The following LACTB variants were observed in gnomAD, a reference collection of about 807,000 sequenced individuals.
The protein encoded by LACTB is serine beta-lactamase-like protein LACTB, mitochondrial.
A neutral mutation model predicts 50.2 loss-of-function variants in LACTB; 35 were observed. The observed-to-expected ratio is 0.70, with a 90% CI of 0.53 to 0.92. The LOEUF (loss-of-function observed/expected upper bound fraction) is 0.92, where lower values mean the gene tolerates loss of function less well. LACTB is among the 40% of genes least tolerant of loss of function. The pLI is 0.00. For synonymous variants in LACTB, 252 were observed against 268.2 expected, an observed-to-expected ratio of 0.94 and a Z score of 0.59; for missense variants, 664 against 691.8, an observed-to-expected ratio of 0.96 and a Z score of 0.45.
rs2141065565 is a variant in LACTB, at chr15:63,122,056, G to T, written c.185G>T (p.Gly62Val). Residue 62 changes from glycine to valine, a missense_variant, in exon 1 of 6, where the codon GGC (glycine) becomes GTC (valine). Physicochemically the swap from Gly to Val is moderately radical, Grantham distance 109. Transcript: ENST00000261893. ...LGVKLAGGLRGAAPAQSPAAP... is the reference protein window; with the variant it reads ...LGVKLAGGLRVAAPAQSPAAP... ...GTGAAGCTGGCAGGTGGGCTGAGGG[G>T]CGCGGCCCCGGCGCAGTCCCCCGCG... 1.4e-6 allele frequency: 2 copies of T among 1,429,570 alleles called. No homozygotes were observed. Among genetic ancestry groups the T allele is most frequent in the South Asian group, 1.5e-5 (1 of 68,858 alleles). The allele number at this position is 1,429,570 out of a possible 1,614,324, so 88.6% of individuals were successfully genotyped here. A position where few individuals can be genotyped will look rare whatever the true frequency, so the allele number is the denominator to read the frequency against.
chr15:63,134,371 C>T (rs1191391417), intron 5 of LACTB, among the ~76,000 whole-genome samples: 2 of 152,146 alleles, frequency 1.3e-5, no homozygotes, highest in African/African-American at 4.8e-5. Context: ...TTAATTCCCC[C>T]TTGCAGCATT....
At chr15:63,141,101 G>A (rs925763660) in intron 5 of LACTB, 179 bp from the exon 6 acceptor site, 2 of 983,672 alleles carry the variant, frequency 2.0e-6, no homozygotes, top group Non-Finnish European at 2.4e-6. Flanking sequence ...ATCTTACTTA[G>A]TTATCTGTGT....
rs1207694084 is a variant in LACTB, at chr15:63,141,667, A to C, written c.1506A>C (p.Glu502Asp). Reference sequence around the variant, plus strand: ...GTGTCCTGCTGGTCCTTCCTGAAGAACTGGATACAGAGACTATAAATAACA... The same window carrying C: ...GTGTCCTGCTGGTCCTTCCTGAAGACCTGGATACAGAGACTATAAATAACA... Reference protein sequence around the residue: ...ASSVLLVLPEELDTETINNKV... With the variant: ...ASSVLLVLPEDLDTETINNKV... The change falls in exon 6 of 6, where the codon GAA becomes GAC. Residue 502 changes from glutamate (E) to aspartate (D), a missense_variant. Glu to Asp is a conservative substitution (Grantham distance 45). Transcript: ENST00000261893. The C allele has an allele frequency of 3.1e-6, 5 of 1,614,104 alleles. No individual in the cohort carries two copies. The highest frequency in any genetic ancestry group is 4.2e-6 in the Non-Finnish European group (5 of 1,180,056).
chr15:63,136,418 G>T (rs1405399754), intron 5 of LACTB, among the ~76,000 whole-genome samples: 1 of 151,606 alleles, frequency 6.6e-6, no homozygotes, highest in Non-Finnish European at 1.5e-5. Flanking sequence ...TTTTGGTTTG[G>T]TTTTTTTGTT....
chr15:63,135,812 G>C (rs1313891989), intron 5 of LACTB, among the ~76,000 whole-genome samples: 3 of 152,200 alleles, frequency 2.0e-5, no homozygotes, highest in Admixed American at 6.5e-5. Context: ...CTATGATTTA[G>C]ATCTAGACAT....
intron 1 of LACTB, 128 bp downstream of exon 1, chr15:63,122,356 C>A: frequency 1.2e-6 from 1 of 843,330 alleles, no homozygotes; most frequent in Non-Finnish European, 1.8e-6. Context: ...AAAGACTTCC[C>A]ATTTCCCCAC....
Position 63,141,451 on chromosome 15 carries a change from T to C in LACTB, c.1290T>C (p.Leu430=), listed in dbSNP as rs2037227490. The change falls in exon 6 of 6, where the codon CTT becomes CTC. Residue 430 remains leucine (L), a synonymous_variant. Transcript: ENST00000261893. ...TGTTTAAGAACTCAAATGAAAATCT[T>C]TTACCTGGATACCTCAAACCAGAAA... The part of the protein sequence containing the change: ...VGLFKNSNEN[L]LPGYLKPETM... 6.2e-7 allele frequency: 1 copy of C among 1,614,192 alleles called. No homozygotes were observed. The highest frequency in any genetic ancestry group is 8.5e-7 in the Non-Finnish European group (1 of 1,180,030).
At chr15:63,124,462 C>T (rs1052752853) in intron 2 of LACTB, among the ~76,000 whole-genome samples, 1 of 152,124 alleles carries the variant, frequency 6.6e-6, no homozygotes, top group Non-Finnish European at 1.5e-5. Flanking sequence ...AATGACTTTT[C>T]AGTCTACTTT....
chr15:63,139,425 G>T (rs2037207250), intron 5 of LACTB, among the ~76,000 whole-genome samples: 1 of 151,994 alleles, frequency 6.6e-6, no homozygotes, highest in African/African-American at 2.4e-5. Flanking sequence ...GGCCAAGGTG[G>T]GCGGATCACC....
intron 2 of LACTB, among the ~76,000 whole-genome samples, chr15:63,125,004 T>C (rs914315844): frequency 2.6e-5 from 4 of 151,610 alleles, no homozygotes; most frequent in African/African-American, 9.7e-5. Flanking sequence ...AGTAAGTTGA[T>C]GGGCGCAGTA....
At position 63,127,781 on chromosome 15, in the gene LACTB, T is replaced by C. The variant is rs190216225; in HGVS notation, c.952+92T>C. ...AATGATACCATCCGGAGTGCATTCA[T>C]TGAGGTTGATGATTGTGATACGGAC... On this transcript the variant is annotated intron_variant, in intron 4 of 5. Transcript: ENST00000261893. 5.4e-5 allele frequency: 47 copies of C among 872,732 alleles called. 1 individual carries two copies. In the East Asian group the frequency reaches 1.1e-3, roughly 21 times the overall value. The allele number at this position is 872,732 out of a possible 1,614,324, so 54.1% of individuals were successfully genotyped here.
At chr15:63,129,390 A>G (rs2037098434) in intron 4 of LACTB, 95 bp from the exon 5 acceptor site, 1 of 1,150,322 alleles carries the variant, frequency 8.7e-7, no homozygotes, top group South Asian at 2.1e-5. Flanking sequence ...TTCCAGTTTT[A>G]AAAGTATGCC....
intron 5 of LACTB, among the ~76,000 whole-genome samples, chr15:63,134,038 T>G (rs75811726): frequency 0.019 from 2,913 of 152,306 alleles, 37 homozygotes; most frequent in Non-Finnish European, 0.028. Flanking sequence ...AAATGGCCAG[T>G]TGAGTTATAT....
chr15:63,132,841 T>C (rs1238934870), intron 5 of LACTB, among the ~76,000 whole-genome samples: 1 of 152,132 alleles, frequency 6.6e-6, no homozygotes. Context: ...TTTTTTGATA[T>C]ATTATAAAAA....
rs944760416 is a variant in LACTB, at chr15:63,129,747, A to T, written c.1118+97A>T. 3 of 1,326,882 alleles carry T rather than the reference A, an allele frequency of 2.3e-6. No individual in the cohort carries two copies. In the East Asian group the frequency reaches 8.6e-5, roughly 38 times the overall value. 82.2% of individuals were successfully genotyped at this position (1,326,882 alleles called of 1,614,324 possible). ...TTTCTTTGTTTCCATTCCAAAATCAACCTGCCACATTTTGGGAGCTTTTCT... is the reference window on the plus strand; with the variant it reads ...TTTCTTTGTTTCCATTCCAAAATCATCCTGCCACATTTTGGGAGCTTTTCT... On this transcript the variant is annotated intron_variant, in intron 5 of 5. Transcript: ENST00000261893.
chr15:63,124,678 T>C (rs928667374), intron 2 of LACTB, among the ~76,000 whole-genome samples: 3 of 152,114 alleles, frequency 2.0e-5, no homozygotes. Flanking sequence ...TCAGGCCAGG[T>C]GCAGTGGCTC....
At position 63,140,055 on chromosome 15, in the gene LACTB, C is replaced by T. The variant is rs532762993; in HGVS notation, c.1119-1225C>T. ...CCTGGAGGTTGAGGCTACAGTTAGC[C>T]ATGATTGTACCGCTGCAGTCCAGCC... On this transcript the variant is annotated intron_variant, in intron 5 of 5. Coordinates refer to ENST00000261893, the MANE Select transcript of LACTB (RefSeq NM_032857.5). Among the ~76,000 whole-genome samples the T allele has an allele frequency of 3.9e-5, 6 of 152,216 alleles. No homozygotes were observed. In the East Asian group the frequency reaches 1.2e-3, roughly 29 times the overall value.
At chr15:63,124,396 G>A (rs907160654) in intron 2 of LACTB, among the ~76,000 whole-genome samples, 3 of 151,978 alleles carry the variant, frequency 2.0e-5, no homozygotes, top group African/African-American at 7.3e-5. Context: ...TCGTGTCCTC[G>A]GTCTCTTGCC....
Position 63,129,481 on chromosome 15 carries a change from C to A in LACTB, c.953-4C>A. 1.9e-6 allele frequency: 3 copies of A among 1,575,608 alleles called. No homozygotes were observed. Among genetic ancestry groups the A allele is most frequent in the East Asian group, 4.6e-5 (2 of 43,598 alleles). ...TTTTTTCCTCCTCGCAATGATGTCT[C>A]AAGGTAGTCAGTTTTTGTATTCAAC... is the stretch of plus-strand genomic sequence containing the variant. On this transcript the variant is annotated splice_polypyrimidine_tract_variant and splice_region_variant and intron_variant, in intron 4 of 5. Coordinates refer to ENST00000261893, the MANE Select transcript of LACTB (RefSeq NM_032857.5).
Sources: allele counts gnomAD v4.1 joint callset (sites outside exome capture counted in the v4.1 genomes callset), GRCh38; gene constraint gnomAD v4.1.1; transcripts MANE v1.5; gene names NCBI Gene and HGNC (gene_info 2026-07-23, HGNC 2026-07-21).